The following SEMA3C variants were observed in gnomAD, a reference collection of about 807,000 sequenced individuals.
SEMA3C encodes the protein semaphorin 3C.
Under a neutral mutation model 89.4 loss-of-function variants are expected in SEMA3C, and 47 were observed. The observed-to-expected ratio is 0.53, with a 90% CI of 0.42 to 0.67. SEMA3C has a LOEUF of 0.67. Ranked by LOEUF, SEMA3C falls within the 30% of genes least tolerant of loss-of-function variation. The pLI, the probability that SEMA3C is intolerant of heterozygous loss-of-function variation, is 0.00. For missense variants in SEMA3C, 839 were observed against 929.1 expected, an observed-to-expected ratio of 0.90 and a Z score of 1.26; for synonymous variants, 310 against 320.2, an observed-to-expected ratio of 0.97 and a Z score of 0.34.
At chr7:80,748,257 T>C (rs1400833022) in intron 17 of SEMA3C, among the ~76,000 whole-genome samples, 2 of 152,262 alleles carry the variant, frequency 1.3e-5, no homozygotes, top group Non-Finnish European at 2.9e-5. Context: ...CCCTATGTCA[T>C]TTTACAATGT....
intron 2 of SEMA3C, among the ~76,000 whole-genome samples, chr7:80,887,391 T>A (rs1027167909): frequency 6.6e-6 from 1 of 152,306 alleles, no homozygotes. Flanking sequence ...TGAGTTTCTC[T>A]CATAGTGAGA....
chr7:80,874,934 A>G (rs557702485), intron 2 of SEMA3C, among the ~76,000 whole-genome samples: 3 of 152,226 alleles, frequency 2.0e-5, no homozygotes, highest in African/African-American at 7.2e-5. Flanking sequence ...TACAAAAATT[A>G]GCTGCCAGGT....
intron 12 of SEMA3C, among the ~76,000 whole-genome samples, chr7:80,773,948 A>T (rs2117078287): frequency 6.6e-6 from 1 of 152,330 alleles, no homozygotes; most frequent in East Asian, 1.9e-4. Flanking sequence ...TGCCTCAGTC[A>T]GATCTCATTA....
chr7:80,767,945 A>G (rs1788340763), intron 12 of SEMA3C, among the ~76,000 whole-genome samples: 1 of 152,242 alleles, frequency 6.6e-6, no homozygotes, highest in South Asian at 2.1e-4. Flanking sequence ...CTCAACTTTA[A>G]AACACAGCAA....
chr7:80,782,542 T>A (rs1788713858), intron 12 of SEMA3C, among the ~76,000 whole-genome samples: 1 of 152,094 alleles, frequency 6.6e-6, no homozygotes, highest in African/African-American at 2.4e-5. Context: ...GTAAATGAGG[T>A]AAAAATGTGA....
chr7:80,811,986 T>A (rs1263707895), intron 5 of SEMA3C, among the ~76,000 whole-genome samples: 1 of 152,188 alleles, frequency 6.6e-6, no homozygotes, highest in Non-Finnish European at 1.5e-5. Context: ...AAAGGATACA[T>A]CTATTACATT....
chr7:80,810,220 T>A (rs1182892050), intron 6 of SEMA3C, among the ~76,000 whole-genome samples: 1 of 151,976 alleles, frequency 6.6e-6, no homozygotes, highest in Non-Finnish European at 1.5e-5. Context: ...AATTATTATT[T>A]GTCAACTAAA....
At chr7:80,899,977 G>A (rs1052552568) in intron 2 of SEMA3C, among the ~76,000 whole-genome samples, 1 of 152,150 alleles carries the variant, frequency 6.6e-6, no homozygotes, top group Non-Finnish European at 1.5e-5. Flanking sequence ...TACAGGTGCA[G>A]TTTTGTTACA....
intron 4 of SEMA3C, 139 bp from the exon 5 acceptor site, chr7:80,818,557 C>A: frequency 1.1e-6 from 1 of 877,388 alleles, no homozygotes; most frequent in Non-Finnish European, 1.7e-6. Context: ...CAGGGGCGTC[C>A]AATCTTTTGG....
intron 2 of SEMA3C, among the ~76,000 whole-genome samples, chr7:80,907,335 C>A (rs2116224025): frequency 6.6e-6 from 1 of 152,030 alleles, no homozygotes; most frequent in South Asian, 2.1e-4. Context: ...ATGCCAAGCC[C>A]TCTGCTTGAA....
At chr7:80,863,924 C>A (rs1583955645) in intron 2 of SEMA3C, among the ~76,000 whole-genome samples, 1 of 121,824 alleles carries the variant, frequency 8.2e-6, no homozygotes, top group Non-Finnish European at 1.6e-5. Context: ...ACATATATAT[C>A]ATATATATCA....
chr7:80,864,111 A>G (rs569065401), intron 2 of SEMA3C, among the ~76,000 whole-genome samples: 29 of 152,044 alleles, frequency 1.9e-4, no homozygotes, highest in Non-Finnish European at 3.2e-4. Flanking sequence ...ATGAGACTGG[A>G]GACTACTATT....
At chr7:80,758,275 T>C (rs926378699) in intron 15 of SEMA3C, 56 bp downstream of exon 15, 29 of 1,553,326 alleles carry the variant, frequency 1.9e-5, no homozygotes, top group Non-Finnish European at 2.4e-5. Flanking sequence ...TGTGAAACAC[T>C]TCTGTATTGT....
intron 2 of SEMA3C, among the ~76,000 whole-genome samples, chr7:80,885,952 A>T (rs1165355457): frequency 6.6e-6 from 1 of 152,178 alleles, no homozygotes; most frequent in African/African-American, 2.4e-5. Context: ...TGCTGTGCTA[A>T]GCATCTATTA....
Position 80,804,205 on chromosome 7 carries a change from A to T in SEMA3C, c.702T>A (p.Asp234Glu). ...VDAHVIPDGT[D>E]PNDAKVYFFF... is the part of the protein sequence containing the mutation. ...AGAAGTACACCTTAGCATCATTTGG[A>T]TCAGTACCATCTGGGATGACATGTG... The change falls in exon 8 of 18, where the codon GAT becomes GAA. Residue 234 changes from aspartate (D) to glutamate (E), a missense_variant. Transcript: ENST00000265361. 1 of 1,612,036 alleles carries T rather than the reference A, an allele frequency of 6.2e-7. No homozygotes were observed. The highest frequency in any genetic ancestry group is 8.5e-7 in the Non-Finnish European group (1 of 1,178,824).
At chr7:80,759,963 A>C (rs1788147053) in intron 14 of SEMA3C, among the ~76,000 whole-genome samples, 1 of 152,204 alleles carries the variant, frequency 6.6e-6, no homozygotes, top group South Asian at 2.1e-4. Context: ...AGGTAGTTTC[A>C]TTCTAGATAG....
chr7:80,897,221 AGGCAGCATGT>A (rs561051967), intron 2 of SEMA3C, among the ~76,000 whole-genome samples: 252 of 152,346 alleles, frequency 1.7e-3, no homozygotes, highest in Non-Finnish European at 2.8e-3. Flanking sequence ...CTGAGTTATG[AGGCAGCATGT>A]GGAAACATTG....
At chr7:80,756,716 C>T (rs530308896) in intron 15 of SEMA3C, among the ~76,000 whole-genome samples, 27 of 152,262 alleles carry the variant, frequency 1.8e-4, no homozygotes, top group African/African-American at 6.0e-4. Context: ...TTAGAGATTT[C>T]TGGTCCCTCT....
intron 5 of SEMA3C, among the ~76,000 whole-genome samples, chr7:80,817,023 T>A (rs1158004631): frequency 2.0e-5 from 3 of 152,236 alleles, no homozygotes; most frequent in African/African-American, 7.2e-5. Flanking sequence ...TCTAAGGCAG[T>A]AGTTTACTTA....
Sources: allele counts gnomAD v4.1 joint callset (sites outside exome capture counted in the v4.1 genomes callset), GRCh38; gene constraint gnomAD v4.1.1; transcripts MANE v1.5; gene names NCBI Gene and HGNC (gene_info 2026-07-23, HGNC 2026-07-21).